BCR: variants seen among roughly 807,000 people sequenced by gnomAD.
The protein encoded by BCR is BCR activator of RhoGEF and GTPase.
In BCR, 58 loss-of-function variants were observed where a neutral mutation model predicts 138.6. The ratio of observed to expected loss-of-function variants is 0.42; its 90% CI spans 0.34 to 0.52. The LOEUF (loss-of-function observed/expected upper bound fraction) is 0.52, where lower values mean the gene tolerates loss of function less well. BCR is among the 20% of genes least tolerant of loss of function. BCR has a pLI of 0.06. For synonymous variants in BCR, 786 were observed against 730.1 expected (o/e 1.08, Z -1.23); for missense variants, 1,599 against 1,727.2 (o/e 0.93, Z 1.32).
chr22:23,290,272 A>T, intron 13 of BCR, 67 bp from the exon 14 acceptor site: 1 of 1,486,208 alleles, frequency 6.7e-7, no homozygotes, highest in Non-Finnish European at 9.4e-7. Context: ...TTTGAAGCAG[A>T]GTTAGCTTGT....
chr22:23,221,262 T>A (rs1173953074), intron 1 of BCR, among the ~76,000 whole-genome samples: 1 of 152,142 alleles, frequency 6.6e-6, no homozygotes, highest in Non-Finnish European at 1.5e-5. Flanking sequence ...AGGCACATGT[T>A]TGAGGTTGAG....
At chr22:23,208,074 T>C (rs1334293983) in intron 1 of BCR, among the ~76,000 whole-genome samples, 2 of 152,198 alleles carry the variant, frequency 1.3e-5, no homozygotes, top group African/African-American at 4.8e-5. Flanking sequence ...CTAGACAGAA[T>C]GATGTTTTGT....
intron 10 of BCR, among the ~76,000 whole-genome samples, chr22:23,285,614 C>T (rs1430863364): frequency 6.6e-6 from 1 of 152,182 alleles, no homozygotes; most frequent in Non-Finnish European, 1.5e-5. Flanking sequence ...ATTGCTGTGG[C>T]ACTGGGAGCC....
chr22:23,281,051 C>T (rs919833065), intron 8 of BCR, among the ~76,000 whole-genome samples: 5 of 152,186 alleles, frequency 3.3e-5, no homozygotes, highest in East Asian at 1.9e-4. Context: ...GTTCCACGCA[C>T]GAGGGCACGC....
chr22:23,203,739 T>G (rs1348182554), intron 1 of BCR, among the ~76,000 whole-genome samples: 1 of 152,136 alleles, frequency 6.6e-6, no homozygotes, highest in Non-Finnish European at 1.5e-5. Flanking sequence ...TTTGCTAGTT[T>G]ATTGCTGTTG....
intron 8 of BCR, among the ~76,000 whole-genome samples, chr22:23,282,196 C>T (rs992224926): frequency 1.3e-5 from 2 of 152,262 alleles, no homozygotes; most frequent in African/African-American, 4.8e-5. Flanking sequence ...CAGATCTGGT[C>T]CCCACTGCAG....
intron 1 of BCR, among the ~76,000 whole-genome samples, chr22:23,183,570 A>C (rs1251452153): frequency 6.6e-6 from 1 of 152,188 alleles, no homozygotes; most frequent in Non-Finnish European, 1.5e-5. Flanking sequence ...GGAAGGCTGT[A>C]CTATTCAGAA....
chr22:23,219,416 A>G (rs1436296619), intron 1 of BCR, among the ~76,000 whole-genome samples: 4 of 152,168 alleles, frequency 2.6e-5, no homozygotes, highest in African/African-American at 7.2e-5. Flanking sequence ...TGTGGAACCC[A>G]GCGGGGCAGT....
At position 23,312,034 on chromosome 22, in the gene BCR, AG is replaced by A; in HGVS notation, c.3322+199del. 9.3e-6 allele frequency: 10 copies of A among 1,072,994 alleles called. No individual in the cohort carries two copies. In the South Asian group the frequency reaches 1.8e-4, roughly 19 times the overall value. The allele number at this position is 1,072,994 out of a possible 1,614,324, so 66.5% of individuals were successfully genotyped here. On this transcript the variant is annotated intron_variant, in intron 19 of 22. Coordinates refer to ENST00000305877, the MANE Select transcript of BCR (RefSeq NM_004327.4). ...TAGAAACCAGTTTTTAAACCATCCT[AG>A]CCATGCATGCCACTTGCTGGGGTAG...
intron 1 of BCR, among the ~76,000 whole-genome samples, chr22:23,215,908 G>A (rs757731606): frequency 7.9e-5 from 12 of 152,168 alleles, no homozygotes. Context: ...GAGACTCCAG[G>A]AATTTCCCCT....
intron 1 of BCR, among the ~76,000 whole-genome samples, chr22:23,231,289 C>G (rs1946864178): frequency 6.6e-6 from 1 of 152,042 alleles, no homozygotes; most frequent in African/African-American, 2.4e-5. Flanking sequence ...GGGAAGATCA[C>G]TTGAGGCCAG....
chr22:23,273,462 G>A (rs1020982851), intron 7 of BCR, among the ~76,000 whole-genome samples, 172 bp from the exon 8 acceptor site: 3 of 152,232 alleles, frequency 2.0e-5, no homozygotes, highest in Non-Finnish European at 4.4e-5. Context: ...CTTCCAGGAT[G>A]GTGCTCACAC....
intron 2 of BCR, among the ~76,000 whole-genome samples, chr22:23,255,353 A>G (rs1217146265): frequency 6.6e-6 from 1 of 152,140 alleles, no homozygotes; most frequent in Non-Finnish European, 1.5e-5. Context: ...TTTACAGACT[A>G]GGAGGCCGAG....
intron 16 of BCR, among the ~76,000 whole-genome samples, chr22:23,295,702 A>C (rs2146312667): frequency 6.6e-6 from 1 of 152,242 alleles, no homozygotes; most frequent in South Asian, 2.1e-4. Flanking sequence ...GAATGTGTCC[A>C]TACAGGACCA....
chr22:23,185,392 G>T (rs920782062), intron 1 of BCR, among the ~76,000 whole-genome samples: 1 of 152,160 alleles, frequency 6.6e-6, no homozygotes, highest in African/African-American at 2.4e-5. Context: ...CCGGCCGGGC[G>T]CGGTGGCTCA....
chr22:23,215,656 T>G (rs190623878), intron 1 of BCR, among the ~76,000 whole-genome samples: 6 of 152,320 alleles, frequency 3.9e-5, no homozygotes, highest in Non-Finnish European at 5.9e-5. Context: ...GGTGGCTTGT[T>G]GTCCTTGGAA....
At chr22:23,237,720 G>A (rs2073042265) in intron 1 of BCR, among the ~76,000 whole-genome samples, 1 of 152,228 alleles carries the variant, frequency 6.6e-6, no homozygotes, top group South Asian at 2.1e-4. Flanking sequence ...GCGGCGTGAA[G>A]GCCGGCTTCC....
chr22:23,306,083 C>T (rs1346910730), intron 16 of BCR: 2 of 152,278 alleles, frequency 1.3e-5, no homozygotes, highest in East Asian at 3.9e-4. Context: ...GCGGCGCACA[C>T]TCTGTTCTTT....
intron 21 of BCR, among the ~76,000 whole-genome samples, chr22:23,314,323 ACCC>A (rs955996865): frequency 6.6e-5 from 10 of 151,022 alleles, no homozygotes; most frequent in Non-Finnish European, 1.2e-4. Flanking sequence ...GTGCACTTGG[ACCC>A]CCCTCTTCCC....
Sources: gnomAD v4.1 joint callset for allele counts (sites outside exome capture counted in the v4.1 genomes callset) on GRCh38, gnomAD v4.1.1 for gene constraint, MANE v1.5 for transcripts, NCBI Gene and HGNC (gene_info 2026-07-23, HGNC 2026-07-21) for gene names.